Variants in SLC30A8 observed in about 807,000 individuals in gnomAD.
SLC30A8 encodes the protein solute carrier family 30 member 8.
Under a neutral mutation model 36.9 loss-of-function variants are expected in SLC30A8, and 27 were observed. That is an observed-to-expected ratio of 0.73 (90% CI 0.54 to 1.01). The LOEUF (loss-of-function observed/expected upper bound fraction) is 1.01. Among genes scored for constraint, SLC30A8 ranks in the 50% least tolerant of loss-of-function variants. SLC30A8 has a pLI of 0.00. For synonymous variants in SLC30A8, 164 were observed against 172.4 expected (o/e 0.95, Z 0.38); for missense variants, 439 against 452.0 (o/e 0.97, Z 0.26).
chr8:117,163,035 G>C (rs148260552), intron 5 of SLC30A8, among the ~76,000 whole-genome samples: 127 of 152,364 alleles, frequency 8.3e-4, no homozygotes, highest in African/African-American at 2.7e-3. Context: ...CCTTTCTTCT[G>C]CTCATTATAA....
chr8:117,050,262 G>A (rs1817669246), intron 2 of SLC30A8, among the ~76,000 whole-genome samples: 1 of 152,148 alleles, frequency 6.6e-6, no homozygotes, highest in Admixed American at 6.5e-5. Context: ...TTCAGAGATG[G>A]ATTTGCTCTC....
At chr8:117,066,559 T>G (rs7000505) in intron 2 of SLC30A8, among the ~76,000 whole-genome samples, 53,376 of 151,954 alleles carry the variant, frequency 0.35, 11,354 homozygotes, top group African/African-American at 0.6. Flanking sequence ...AGGTGGAGTT[T>G]ACTCCTACTG....
chr8:117,089,942 G>T (rs1358804463), intron 2 of SLC30A8, among the ~76,000 whole-genome samples: 6 of 151,870 alleles, frequency 4.0e-5, no homozygotes, highest in South Asian at 2.1e-4. Flanking sequence ...TTTTACACGT[G>T]TTCTTTCTTC....
chr8:117,047,330 A>C (rs1464382598), intron 2 of SLC30A8, among the ~76,000 whole-genome samples: 4 of 152,188 alleles, frequency 2.6e-5, no homozygotes, highest in East Asian at 3.8e-4. Flanking sequence ...AATATGCTTG[A>C]GACTACAAGG....
chr8:116,960,611 G>T (rs898817102), intron 1 of SLC30A8, among the ~76,000 whole-genome samples: 2 of 152,156 alleles, frequency 1.3e-5, no homozygotes, highest in Non-Finnish European at 2.9e-5. Flanking sequence ...AGAAATAGTA[G>T]AATTTATTTA....
chr8:117,123,872 A>G (rs1820791398), intron 2 of SLC30A8, among the ~76,000 whole-genome samples: 1 of 152,058 alleles, frequency 6.6e-6, no homozygotes, highest in Non-Finnish European at 1.5e-5. Flanking sequence ...ACTATTGATG[A>G]GGAAATTGAA....
rs1995579 is a variant in SLC30A8 at position 117,033,793 on chromosome 8, G to A, written c.-265-5426G>A. Among the ~76,000 whole-genome samples, 1,103 of 152,260 alleles carry A rather than the reference G, an allele frequency of 7.2e-3. 7 individuals are homozygous for A. Among genetic ancestry groups the A allele is most frequent in the African/African-American group, 0.025 (1,026 of 41,536 alleles). On this transcript the variant is annotated intron_variant, in intron 1 of 10. Coordinates refer to the SLC30A8 transcript ENST00000427715. ...CAATGAGGGCAGCCTTGAGAAGTGG[G>A]AAAAGGCAAGCAACAAAACCTTCCT...
intron 2 of SLC30A8, among the ~76,000 whole-genome samples, chr8:117,039,569 G>A (rs1045526763): frequency 6.6e-6 from 1 of 152,078 alleles, no homozygotes; most frequent in African/African-American, 2.4e-5. Flanking sequence ...AGACAGTCTT[G>A]TAATGTAATT....
At chr8:117,047,617 G>A (rs978858584) in intron 2 of SLC30A8, among the ~76,000 whole-genome samples, 2 of 152,086 alleles carry the variant, frequency 1.3e-5, no homozygotes, top group African/African-American at 4.8e-5. Context: ...AGTAAAAAAG[G>A]TCAGGATAGG....
chr8:117,019,879 G>T (rs944131928), intron 1 of SLC30A8, among the ~76,000 whole-genome samples: 1 of 152,170 alleles, frequency 6.6e-6, no homozygotes, highest in African/African-American at 2.4e-5. Flanking sequence ...GCATGGCAGG[G>T]GAGAGTGTAG....
intron 2 of SLC30A8, among the ~76,000 whole-genome samples, chr8:117,068,820 G>T (rs148071945): frequency 6.6e-6 from 1 of 152,016 alleles, no homozygotes; most frequent in African/African-American, 2.4e-5. Flanking sequence ...CAAGTGATCC[G>T]CTCAACTTGG....
chr8:117,135,091 C>T lies in SLC30A8; in HGVS notation c.-237C>T. 2.7e-6 allele frequency: 1 copy of T among 372,086 alleles called. No individual in the cohort carries two copies. Among genetic ancestry groups the T allele is most frequent in the Non-Finnish European group, 4.8e-6 (1 of 207,410 alleles). 23.0% of individuals were successfully genotyped at this position (372,086 alleles called of 1,614,324 possible). ...CATGTAATGCTACCTGCAAGTCTCC[C>T]TAGAAAAGCAGTTTTTGTAGGTGAA... is the stretch of plus-strand genomic sequence containing the variant. On this transcript the variant is annotated 5_prime_UTR_variant, in exon 1 of 8. Transcript: ENST00000456015.
At chr8:117,076,770 AT>A (rs34202690) in intron 2 of SLC30A8, among the ~76,000 whole-genome samples, 9,143 of 146,030 alleles carry the variant, frequency 0.063, 308 homozygotes, top group East Asian at 0.13. Context: ...TCAAATAGTC[AT>A]TTTTTTTTTT....
intron 2 of SLC30A8, among the ~76,000 whole-genome samples, chr8:117,091,695 T>C (rs1819135136): frequency 6.6e-6 from 1 of 152,212 alleles, no homozygotes; most frequent in Admixed American, 6.5e-5. Flanking sequence ...AATCCCGTTA[T>C]GTATTTCCCT....
chr8:117,081,323 G>A (rs4876368), intron 2 of SLC30A8, among the ~76,000 whole-genome samples: 15,228 of 152,222 alleles, frequency 0.1, 929 homozygotes, highest in East Asian at 0.14. Flanking sequence ...AGATCAAAGC[G>A]TGGGCAGATT....
At chr8:117,104,292 C>A (rs564641778) in intron 2 of SLC30A8, among the ~76,000 whole-genome samples, 1 of 152,188 alleles carries the variant, frequency 6.6e-6, no homozygotes, top group Non-Finnish European at 1.5e-5. Flanking sequence ...AAGGAGAAAC[C>A]AGGCCACACT....
At chr8:117,008,674 A>G (rs1259355663) in intron 1 of SLC30A8, among the ~76,000 whole-genome samples, 1 of 152,204 alleles carries the variant, frequency 6.6e-6, no homozygotes, top group Non-Finnish European at 1.5e-5. Context: ...TGGCCATTCT[A>G]CAATAAAGTA....
intron 2 of SLC30A8, among the ~76,000 whole-genome samples, chr8:117,086,267 G>A (rs142536336): frequency 5.7e-4 from 87 of 152,194 alleles, no homozygotes; most frequent in African/African-American, 2.0e-3. Flanking sequence ...GAACACTCCC[G>A]TTAGGGCTCC....
intron 2 of SLC30A8, among the ~76,000 whole-genome samples, chr8:117,097,135 C>T (rs1158225626): frequency 6.6e-6 from 1 of 151,516 alleles, no homozygotes; most frequent in Non-Finnish European, 1.5e-5. Flanking sequence ...TGTAGTGGCT[C>T]ACGCCTGTAG....
Sources: gnomAD v4.1 joint callset for allele counts (sites outside exome capture counted in the v4.1 genomes callset) on GRCh38, gnomAD v4.1.1 for gene constraint, MANE v1.5 for transcripts, NCBI Gene and HGNC (gene_info 2026-07-23, HGNC 2026-07-21) for gene names.